Variants in PAM16 observed in about 807,000 individuals in gnomAD.
PAM16 encodes presequence translocase associated motor 16, also known as mitochondrial import inner membrane translocase subunit TIM16.
In PAM16, 11 loss-of-function variants were observed where a neutral mutation model predicts 17.9. The observed-to-expected ratio is 0.62, with a 90% CI of 0.39 to 1.02. The LOEUF is 1.02. PAM16 is among the 50% of genes least tolerant of loss of function. PAM16 has a pLI of 0.01. For missense variants in PAM16, 199 were observed against 165.4 expected (o/e 1.20, Z -1.11); for synonymous variants, 72 against 67.4 (o/e 1.07, Z -0.34).
intron 1 of PAM16, among the ~76,000 whole-genome samples, chr16:4,349,049 G>A (rs573648496): frequency 8.1e-5 from 12 of 148,948 alleles, no homozygotes; most frequent in East Asian, 2.0e-4. Context: ...TCGGCCTCCC[G>A]GGTTCAAGCC....
intron 4 of PAM16, 105 bp from the exon 5 acceptor site, chr16:4,340,510 GGCAGTGGGTGGATACCAA>G: frequency 1.9e-5 from 24 of 1,264,174 alleles, no homozygotes; most frequent in Non-Finnish European, 2.5e-5. Flanking sequence ...TTTTTTGAAG[GGCAGTGGGTGGATACCAA>G]TGCTTCCTTC....
At chr16:4,350,297 T>C (rs545057181) in intron 1 of PAM16, among the ~76,000 whole-genome samples, 1 of 138,880 alleles carries the variant, frequency 7.2e-6, no homozygotes, top group South Asian at 2.2e-4. Flanking sequence ...GTATATATTA[T>C]GTGTGTGTGT....
chr16:4,345,137 G>T (rs2053735609), intron 1 of PAM16, among the ~76,000 whole-genome samples: 1 of 152,084 alleles, frequency 6.6e-6, no homozygotes, highest in South Asian at 2.1e-4. Context: ...AGACGCAGGG[G>T]GGTGGCGCGG....
intron 2 of PAM16, among the ~76,000 whole-genome samples, chr16:4,342,813 G>C (rs1290870286): frequency 6.6e-6 from 1 of 151,866 alleles, no homozygotes; most frequent in Non-Finnish European, 1.5e-5. Context: ...ACAAAAATTA[G>C]CCTGGTATGG....
chr16:4,350,077 A>C (rs1046388960), intron 1 of PAM16, among the ~76,000 whole-genome samples: 1 of 151,754 alleles, frequency 6.6e-6, no homozygotes, highest in Non-Finnish European at 1.5e-5. Context: ...CGTGTGCAGA[A>C]CCTCCAGGGA....
Position 4,343,294 on chromosome 16 carries a change from G to GGCAGCCGC in PAM16, c.4-4_4-3insGCGGCTGC. ...ATGATCTGGGCCAGGTACTTGGCCT[G>GGCAGCCGC]TGGGCAAAGCAGGCACCCGGTTAGC... On this transcript the variant is annotated splice_polypyrimidine_tract_variant and splice_region_variant and intron_variant, in intron 1 of 4. Transcript: ENST00000318059. 1 of 1,607,462 alleles carries GGCAGCCGC rather than the reference G, an allele frequency of 6.2e-7. No individual in the cohort carries two copies. Among genetic ancestry groups the GGCAGCCGC allele is most frequent in the Admixed American group, 1.7e-5 (1 of 59,296 alleles).
chr16:4,351,211 A>T (rs2141159308), intron 1 of PAM16, 21 bp downstream of exon 1: 2 of 1,393,814 alleles, frequency 1.4e-6, no homozygotes, highest in Non-Finnish European at 1.9e-6. Context: ...CCTCCCCGGT[A>T]GCGCCCGACT....
At chr16:4,341,803 G>A in intron 2 of PAM16, 1 of 429,840 alleles carries the variant, frequency 2.3e-6, no homozygotes, top group Non-Finnish European at 4.2e-6. Flanking sequence ...CAGGGGAACA[G>A]CAAATTGGGG....
chr16:4,347,172 C>G (rs1454817497), intron 1 of PAM16: 3 of 152,202 alleles, frequency 2.0e-5, no homozygotes, highest in African/African-American at 7.2e-5. Context: ...CCTCCGAGGA[C>G]CTGCTCTTTC....
chr16:4,344,148 G>T (rs2053695923), intron 1 of PAM16: 1 of 395,796 alleles, frequency 2.5e-6, no homozygotes, highest in Non-Finnish European at 4.4e-6. Context: ...AAGCAACAGA[G>T]TCGAGGGAAA....
intron 1 of PAM16, chr16:4,343,948 T>C (rs1288431996): frequency 2.5e-6 from 1 of 398,282 alleles, no homozygotes. Flanking sequence ...TTCAAACATC[T>C]GCTGAGAGTC....
intron 1 of PAM16, among the ~76,000 whole-genome samples, chr16:4,350,748 G>A (rs1435114505): frequency 2.0e-5 from 3 of 152,158 alleles, no homozygotes; most frequent in African/African-American, 4.8e-5. Flanking sequence ...GTGTGGCGCA[G>A]GTCTGTTGAC....
chr16:4,350,613 G>C (rs1211068940), intron 1 of PAM16, among the ~76,000 whole-genome samples: 1 of 152,046 alleles, frequency 6.6e-6, no homozygotes, highest in Non-Finnish European at 1.5e-5. Flanking sequence ...ATGTTGGCCA[G>C]GCTGGTCTCG....
At chr16:4,343,575 A>G (rs1182359465) in intron 1 of PAM16, 4 of 1,387,122 alleles carry the variant, frequency 2.9e-6, no homozygotes, top group Non-Finnish European at 3.7e-6. Flanking sequence ...GGAGCAAGGC[A>G]AAGTGGCTGC....
chr16:4,340,302 C>CGGGGGGGGG lies in PAM16; in HGVS notation c.*16_*17insCCCCCCCCC. The CGGGGGGGGG allele has an allele frequency of 6.7e-7, 1 of 1,496,102 alleles. No individual in the cohort carries two copies. The highest frequency in any genetic ancestry group is 1.8e-4 in the Middle Eastern group (1 of 5,654). The allele number at this position is 1,496,102 out of a possible 1,614,324, so 92.7% of individuals were successfully genotyped here. A position where few individuals can be genotyped will look rare whatever the true frequency, so the allele number is the denominator to read the frequency against. On this transcript the variant is annotated 3_prime_UTR_variant, in exon 5 of 5. Coordinates refer to ENST00000318059, the MANE Select transcript of PAM16 (RefSeq NM_016069.11). ...TATAAATTAGAGGCGGCGGGGTGGG[C>CGGGGGGGGG]GGGGGGAGCCGAGCAGTCACGTATG...
At chr16:4,347,187 A>G (rs532732872) in intron 1 of PAM16, 1 of 152,266 alleles carries the variant, frequency 6.6e-6, no homozygotes, top group South Asian at 2.1e-4. Context: ...TCTTTCCTTA[A>G]CAGGCGGGAT....
At chr16:4,342,472 C>T (rs941756470) in intron 2 of PAM16, among the ~76,000 whole-genome samples, 4 of 151,734 alleles carry the variant, frequency 2.6e-5, no homozygotes, top group East Asian at 1.9e-4. Context: ...CTGACCAACA[C>T]GGAGAAACCC....
At chr16:4,341,010 G>C (rs770183989) in intron 3 of PAM16, 25 bp from the exon 4 acceptor site, 4 of 1,612,702 alleles carry the variant, frequency 2.5e-6, no homozygotes, top group Non-Finnish European at 8.5e-7. Context: ...GGACGGGTGA[G>C]AGGGCTGCAG....
Position 4,351,223 on chromosome 16 carries a change from G to A in PAM16, c.3+9C>T, listed in dbSNP as rs753204395. The A allele has an allele frequency of 5.6e-6, 8 of 1,439,828 alleles. No homozygotes were observed. The South Asian group carries it at 1.2e-4, about 22-fold the overall frequency. 89.2% of individuals were successfully genotyped at this position (1,439,828 alleles called of 1,614,324 possible). A position where few individuals can be genotyped will look rare whatever the true frequency, so the allele number is the denominator to read the frequency against. ...TCCCCTCCCCGGTAGCGCCCGACTC[G>A]GGGCTCACCATGGCAGCCGCTCTGC... is the stretch of plus-strand genomic sequence containing the variant. On this transcript the variant is annotated intron_variant, in intron 1 of 4. Coordinates refer to ENST00000318059, the MANE Select transcript of PAM16 (RefSeq NM_016069.11).
Sources: gnomAD v4.1 joint callset for allele counts (sites outside exome capture counted in the v4.1 genomes callset) on GRCh38, gnomAD v4.1.1 for gene constraint, MANE v1.5 for transcripts, NCBI Gene and HGNC (gene_info 2026-07-23, HGNC 2026-07-21) for gene names.